The following ACBD5 variants were observed in gnomAD, a reference collection of about 807,000 sequenced individuals.
ACBD5 encodes acyl-CoA binding domain containing 5, also known as acyl-CoA-binding domain-containing protein 5.
Under a neutral mutation model 71.8 loss-of-function variants are expected in ACBD5, and 40 were observed. The observed-to-expected ratio is 0.56, with a 90% CI of 0.43 to 0.72. The LOEUF (loss-of-function observed/expected upper bound fraction) is 0.72, where lower values mean the gene tolerates loss of function less well. ACBD5 is among the 30% of genes least tolerant of loss of function. ACBD5 has a pLI of 0.00. For missense variants in ACBD5, 559 were observed against 644.5 expected (o/e 0.87, Z 1.44); for synonymous variants, 229 against 218.6 (o/e 1.05, Z -0.42).
At chr10:27,204,353 C>CGCT (rs1374394545) in intron 12 of ACBD5, 87 bp downstream of exon 12, 2 of 914,096 alleles carry the variant, frequency 2.2e-6, no homozygotes, top group East Asian at 4.9e-5. Context: ...TAAAATGGAC[C>CGCT]TAGCATCCCT....
intron 8 of ACBD5, among the ~76,000 whole-genome samples, chr10:27,213,589 C>A (rs924483115): frequency 6.6e-6 from 1 of 152,116 alleles, no homozygotes; most frequent in African/African-American, 2.4e-5. Flanking sequence ...GAAACCCCGT[C>A]TCTACTGAAA....
chr10:27,199,654 C>T (rs941565728), intron 12 of ACBD5, among the ~76,000 whole-genome samples: 2 of 152,124 alleles, frequency 1.3e-5, no homozygotes, highest in Non-Finnish European at 2.9e-5. Flanking sequence ...CTGCCCTAGG[C>T]TCCATTTGGA....
At chr10:27,207,726 T>TTTAC (rs566115702) in intron 10 of ACBD5, among the ~76,000 whole-genome samples, 143 of 152,258 alleles carry the variant, frequency 9.4e-4, no homozygotes, top group African/African-American at 3.1e-3. Context: ...TATTTATTTA[T>TTTAC]TTACTTACTT....
At chr10:27,203,603 A>G (rs1440124872) in intron 12 of ACBD5, among the ~76,000 whole-genome samples, 3 of 152,164 alleles carry the variant, frequency 2.0e-5, no homozygotes, top group East Asian at 3.9e-4. Flanking sequence ...GCTGGGCATG[A>G]TGGCACATGC....
downstream of ACBD5, among the ~76,000 whole-genome samples, chr10:27,190,584 C>T (rs945621730): frequency 6.6e-6 from 1 of 152,076 alleles, no homozygotes; most frequent in African/African-American, 2.4e-5. Context: ...CCTCTATTTG[C>T]TACAAAGAAC....
intron 13 of ACBD5, among the ~76,000 whole-genome samples, chr10:27,188,019 T>C (rs788210): frequency 0.14 from 21,968 of 152,256 alleles, 1,908 homozygotes; most frequent in Admixed American, 0.23. Flanking sequence ...AAAAAACTTG[T>C]TCCTTTTGCA....
chr10:27,225,358 T>C (rs12265111), intron 4 of ACBD5, among the ~76,000 whole-genome samples: 14,743 of 152,236 alleles, frequency 0.097, 2,324 homozygotes, highest in African/African-American at 0.33. Flanking sequence ...TGGTGGTCTA[T>C]GGTAGTCAGC....
At chr10:27,227,403 T>C (rs1012592695) in intron 4 of ACBD5, among the ~76,000 whole-genome samples, 2 of 152,130 alleles carry the variant, frequency 1.3e-5, no homozygotes, top group Non-Finnish European at 2.9e-5. Flanking sequence ...CCACATCTCT[T>C]AAAGCCATCC....
chr10:27,230,818 C>T (rs756197435), intron 4 of ACBD5, among the ~76,000 whole-genome samples: 2 of 125,828 alleles, frequency 1.6e-5, no homozygotes, highest in Non-Finnish European at 3.4e-5. Context: ...AAAAAAGACT[C>T]TATGATCATC....
intron 5 of ACBD5, among the ~76,000 whole-genome samples, chr10:27,220,810 T>C (rs923799724): frequency 2.0e-5 from 3 of 152,316 alleles, no homozygotes; most frequent in South Asian, 4.1e-4. Flanking sequence ...ATGTATATTC[T>C]GAAAATGGCA....
In ACBD5 at chr10:27,240,517, G is replaced by A. The variant is rs1416664736; in HGVS notation, c.16-33C>T. The A allele has an allele frequency of 6.4e-7, 1 of 1,571,732 alleles. No individual in the cohort carries two copies. The highest frequency in any genetic ancestry group is 1.9e-5 in the Admixed American group (1 of 52,684). ...ATGGAGCGCAGCCGCGGATCAACAT[G>A]CCCCAAAAGGAGGAGGCCCGGGAGC... On this transcript the variant is annotated intron_variant, in intron 1 of 12. Transcript: ENST00000396271. This position sits in a 1 kb window ranked among gnomAD's most constrained non-coding sequence, Gnocchi z 4.1.
At chr10:27,235,585 T>C (rs1164322605) in intron 2 of ACBD5, among the ~76,000 whole-genome samples, 1 of 152,182 alleles carries the variant, frequency 6.6e-6, no homozygotes, top group Non-Finnish European at 1.5e-5. Context: ...TTATGACAAA[T>C]CAAAACTGAC....
At chr10:27,234,201 G>C (rs375217587) in intron 3 of ACBD5, among the ~76,000 whole-genome samples, 2 of 152,256 alleles carry the variant, frequency 1.3e-5, no homozygotes, top group East Asian at 3.9e-4. Flanking sequence ...GATGAGTACA[G>C]GTACCTGTAT....
rs181866369 is a variant in ACBD5, at chr10:27,239,813, A to T, written c.181+506T>A. 2.2e-3 allele frequency among the ~76,000 whole-genome samples: 339 copies of T among 152,148 alleles called. 3 individuals carry two copies. The highest frequency in any genetic ancestry group is 7.7e-3 in the African/African-American group (321 of 41,512). Reference sequence around the variant, plus strand: ...CCAGGCTGGAGTGCAGTGGCACGATATCGGGTCACTGCAACCTCTGCCTCC... The same window carrying T: ...CCAGGCTGGAGTGCAGTGGCACGATTTCGGGTCACTGCAACCTCTGCCTCC... On this transcript the variant is annotated intron_variant, in intron 2 of 12. Transcript: ENST00000396271.
rs2063411422 is a variant in ACBD5, at chr10:27,228,791, T to TATATA, written c.375+2956_375+2957insTATAT. 2.1e-3 allele frequency among the ~76,000 whole-genome samples: 46 copies of TATATA among 22,122 alleles called. 2 individuals are homozygous for TATATA. Among genetic ancestry groups the TATATA allele is most frequent in the Admixed American group, 3.6e-3 (3 of 840 alleles). 14.5% of individuals were successfully genotyped at this position (22,122 alleles called of 152,430 possible). On this transcript the variant is annotated intron_variant, in intron 4 of 12. Coordinates refer to ENST00000396271, the MANE Select transcript of ACBD5 (RefSeq NM_145698.5). Reference sequence around the variant, plus strand: ...TCTATAAAACATAATCCTATTATGTTTATATATATATATATATATATATAT... The same window carrying TATATA: ...TCTATAAAACATAATCCTATTATGTTATATATATATATATATATATATATATATAT...
At chr10:27,238,434 G>A (rs572592847) in intron 2 of ACBD5, among the ~76,000 whole-genome samples, 2 of 152,264 alleles carry the variant, frequency 1.3e-5, no homozygotes, top group Admixed American at 6.5e-5. Context: ...CTATAAAAAC[G>A]TGTGCTTTAG....
chr10:27,240,904 C>G, upstream of ACBD5: 2 of 673,454 alleles, frequency 3.0e-6, no homozygotes, highest in Non-Finnish European at 5.0e-6. The surrounding 1 kb of genome is among the most constrained non-coding windows in gnomAD (Gnocchi z 4.1). Context: ...CCCGACCCGC[C>G]GCCGCGGCAA....
chr10:27,189,617 T>G, intron 13 of ACBD5, among the ~76,000 whole-genome samples: 3 of 78,106 alleles, frequency 3.8e-5, no homozygotes, highest in South Asian at 4.3e-4. Context: ...CACTGGGGCC[T>G]GTTGTGGGGT....
intron 10 of ACBD5, 70 bp from the exon 11 acceptor site, chr10:27,205,318 C>CT: frequency 2.0e-6 from 3 of 1,509,038 alleles, no homozygotes; most frequent in South Asian, 2.3e-5. Flanking sequence ...TATTTCCTAT[C>CT]TTTTTTTAAA....
Sources: allele counts gnomAD v4.1 joint callset (sites outside exome capture counted in the v4.1 genomes callset), GRCh38; gene constraint gnomAD v4.1.1; non-coding constraint Gnocchi (gnomAD v3.1); transcripts MANE v1.5; gene names NCBI Gene and HGNC (gene_info 2026-07-23, HGNC 2026-07-21).